Variants in DIP2B observed in about 807,000 individuals in gnomAD.
DIP2B encodes DIP2 acetate--CoA ligase B (putative).
A neutral mutation model predicts 198.0 loss-of-function variants in DIP2B; 76 were observed. That is an observed-to-expected ratio of 0.38 (90% CI 0.32 to 0.46). The LOEUF (loss-of-function observed/expected upper bound fraction) is 0.46, where lower values mean the gene tolerates loss of function less well. DIP2B is among the 20% of genes least tolerant of loss of function. The probability of loss-of-function intolerance (pLI) is 0.99; values close to 1 mark genes in which losing one functional copy is unlikely to be tolerated. For synonymous variants in DIP2B, 701 were observed against 739.1 expected (o/e 0.95, Z 0.84); for missense variants, 1,559 against 1,978.4 (o/e 0.79, Z 4.02).
At chr12:50,648,703 C>T (rs112109704) in intron 3 of DIP2B, among the ~76,000 whole-genome samples, 3 of 149,682 alleles carry the variant, frequency 2.0e-5, no homozygotes, top group Non-Finnish European at 3.0e-5. Context: ...TTCTTCCCCC[C>T]CCCCTCCTTA....
chr12:50,728,388 T>C (rs1279599700), intron 29 of DIP2B, among the ~76,000 whole-genome samples, 160 bp from the exon 30 acceptor site: 1 of 152,028 alleles, frequency 6.6e-6, no homozygotes, highest in African/African-American at 2.4e-5. Flanking sequence ...AACAGAAATA[T>C]GTTCCCTTAA....
At chr12:50,579,627 A>G (rs1958697188) in intron 1 of DIP2B, among the ~76,000 whole-genome samples, 1 of 33,302 alleles carries the variant, frequency 3.0e-5, no homozygotes, top group African/African-American at 1.4e-4. Context: ...AAAAAAAAAA[A>G]AAAAAAAAAA....
At chr12:50,711,731 T>G (rs925167546) in intron 22 of DIP2B, among the ~76,000 whole-genome samples, 22 of 152,130 alleles carry the variant, frequency 1.4e-4, no homozygotes, top group African/African-American at 5.3e-4. Flanking sequence ...CCAGCTAATT[T>G]TTGTATTTTT....
chr12:50,629,063 G>A lies in DIP2B; in HGVS notation c.172+3016G>A, dbSNP rs550076877. Reference sequence around the variant, plus strand: ...CCAGCTAATTTTTGTATTTTTTTTTGTAGAGACAGGGTTTTGCCATGTTGT... The same window carrying A: ...CCAGCTAATTTTTGTATTTTTTTTTATAGAGACAGGGTTTTGCCATGTTGT... On this transcript the variant is annotated intron_variant, in intron 2 of 37. Transcript: ENST00000301180. 9.2e-4 allele frequency among the ~76,000 whole-genome samples: 140 copies of A among 151,632 alleles called. No homozygotes were observed. The South Asian group carries it at 0.014, about 15-fold the overall frequency.
At chr12:50,520,869 C>G (rs972778472) in intron 1 of DIP2B, among the ~76,000 whole-genome samples, 1 of 151,988 alleles carries the variant, frequency 6.6e-6, no homozygotes, top group African/African-American at 2.4e-5. Context: ...GTATCTGACA[C>G]TCTTCTATTA....
chr12:50,676,266 AG>A (rs1490317748), intron 7 of DIP2B, among the ~76,000 whole-genome samples: 2 of 152,340 alleles, frequency 1.3e-5, no homozygotes, highest in South Asian at 2.1e-4. Context: ...GAAAGAGCTA[AG>A]CGTTGGTAGC....
intron 24 of DIP2B, 40 bp downstream of exon 24, chr12:50,718,858 A>G (rs779890660): frequency 2.0e-5 from 32 of 1,612,336 alleles, no homozygotes; most frequent in Non-Finnish European, 2.7e-5. Flanking sequence ...CAGTCAAGTC[A>G]AGGACAGAAC....
intron 1 of DIP2B, among the ~76,000 whole-genome samples, chr12:50,604,167 A>G (rs1265470089): frequency 6.6e-6 from 1 of 152,110 alleles, no homozygotes; most frequent in Admixed American, 6.6e-5. Flanking sequence ...TAATTATAGT[A>G]CAAAAGGTTT....
intron 1 of DIP2B, among the ~76,000 whole-genome samples, chr12:50,540,991 G>A (rs1294046029): frequency 6.6e-6 from 1 of 152,088 alleles, no homozygotes; most frequent in Non-Finnish European, 1.5e-5. Flanking sequence ...AGACGTCTTT[G>A]TGTTTTCCAT....
intron 1 of DIP2B, among the ~76,000 whole-genome samples, chr12:50,515,212 C>T (rs1958053059): frequency 6.6e-6 from 1 of 151,808 alleles, no homozygotes; most frequent in South Asian, 2.1e-4. Flanking sequence ...TATGGCATCT[C>T]TCTCTGCAGC....
chr12:50,744,263 A>G (rs1474130594), intron 37 of DIP2B, among the ~76,000 whole-genome samples: 1 of 152,086 alleles, frequency 6.6e-6, no homozygotes, highest in East Asian at 1.9e-4. Context: ...CGGCCTCCCA[A>G]AGTGCTGGGA....
intron 4 of DIP2B, among the ~76,000 whole-genome samples, chr12:50,665,424 C>G (rs945624369): frequency 6.6e-6 from 1 of 152,108 alleles, no homozygotes; most frequent in Non-Finnish European, 1.5e-5. Context: ...GTTCATTATT[C>G]CACTGAAGTG....
chr12:50,691,213 A>C, intron 13 of DIP2B, 62 bp downstream of exon 13: 1 of 1,410,904 alleles, frequency 7.1e-7, no homozygotes, highest in Admixed American at 1.7e-5. Flanking sequence ...CTGTGAGCAC[A>C]ATGCTCAGTG....
chr12:50,738,755 C>T (rs1427229511), intron 35 of DIP2B, among the ~76,000 whole-genome samples: 1 of 152,180 alleles, frequency 6.6e-6, no homozygotes, highest in Non-Finnish European at 1.5e-5. Context: ...GCTGGGATTA[C>T]AAGCGTGAGC....
chr12:50,655,602 A>G (rs1167463119), intron 3 of DIP2B, among the ~76,000 whole-genome samples: 1 of 152,268 alleles, frequency 6.6e-6, no homozygotes, highest in Non-Finnish European at 1.5e-5. Flanking sequence ...TACTTTAACT[A>G]TATGTCCTCA....
intron 2 of DIP2B, among the ~76,000 whole-genome samples, chr12:50,630,379 C>T (rs1446400196): frequency 1.5e-4 from 23 of 152,104 alleles, no homozygotes; most frequent in Non-Finnish European, 7.4e-5. Context: ...TTCTCTCTCT[C>T]TCTCTGACAG....
At chr12:50,511,111 A>G (rs56104942) in intron 1 of DIP2B, among the ~76,000 whole-genome samples, 41,382 of 149,492 alleles carry the variant, frequency 0.28, 6,375 homozygotes, top group Non-Finnish European at 0.35. Context: ...ATGCCCAGCT[A>G]ATTTTTTGTG....
At chr12:50,619,071 G>A (rs1294486417) in intron 1 of DIP2B, among the ~76,000 whole-genome samples, 3 of 151,996 alleles carry the variant, frequency 2.0e-5, no homozygotes, top group African/African-American at 7.2e-5. Flanking sequence ...CTGCATAGCT[G>A]TGACTTTAAA....
intron 1 of DIP2B, among the ~76,000 whole-genome samples, chr12:50,540,067 T>G (rs1424407490): frequency 6.3e-5 from 9 of 143,522 alleles, no homozygotes; most frequent in Non-Finnish European, 1.4e-4. Flanking sequence ...TTTTTTTTTT[T>G]TTTTTTTTTT....
Sources: gnomAD v4.1 joint callset for allele counts (sites outside exome capture counted in the v4.1 genomes callset) on GRCh38, gnomAD v4.1.1 for gene constraint, MANE v1.5 for transcripts, NCBI Gene and HGNC (gene_info 2026-07-23, HGNC 2026-07-21) for gene names.